ETS1: variants seen among roughly 807,000 people sequenced by gnomAD.
The protein encoded by ETS1 is ETS proto-oncogene 1, transcription factor, also known as protein C-ets-1.
Under a neutral mutation model 58.6 loss-of-function variants are expected in ETS1, and 15 were observed. The ratio of observed to expected loss-of-function variants is 0.26; its 90% CI spans 0.17 to 0.39. The LOEUF (loss-of-function observed/expected upper bound fraction) is 0.39, where lower values mean the gene tolerates loss of function less well. Among genes scored for constraint, ETS1 ranks in the 10% least tolerant of loss-of-function variants. The probability of loss-of-function intolerance (pLI) is 1.00; values close to 1 mark genes in which losing one functional copy is unlikely to be tolerated. For synonymous variants in ETS1, 214 were observed against 218.2 expected (o/e 0.98, Z 0.17); for missense variants, 417 against 610.5 (o/e 0.68, Z 3.34).
At chr11:128,506,388 G>T (rs1253711162) in intron 3 of ETS1, among the ~76,000 whole-genome samples, 1 of 152,218 alleles carries the variant, frequency 6.6e-6, no homozygotes, top group Admixed American at 6.5e-5. Flanking sequence ...CCCTCAGGCA[G>T]AGTTTCCCTC....
At chr11:128,552,722 C>T (rs1307914522) in intron 3 of ETS1, among the ~76,000 whole-genome samples, 1 of 151,918 alleles carries the variant, frequency 6.6e-6, no homozygotes, top group Non-Finnish European at 1.5e-5. Flanking sequence ...ATGGGATGGA[C>T]GAGGTCTTGT....
At chr11:128,501,064 T>C (rs914744467) in intron 3 of ETS1, among the ~76,000 whole-genome samples, 6 of 152,188 alleles carry the variant, frequency 3.9e-5, no homozygotes, top group Non-Finnish European at 8.8e-5. Flanking sequence ...CAAAGCAAAT[T>C]TGTCCTTATC....
intron 3 of ETS1, among the ~76,000 whole-genome samples, chr11:128,553,272 A>G (rs1441312212): frequency 2.0e-5 from 3 of 152,222 alleles, no homozygotes; most frequent in East Asian, 1.9e-4. Context: ...AATGATGACT[A>G]CAAGATTGTT....
chr11:128,523,743 G>T (rs928156415), intron 3 of ETS1, among the ~76,000 whole-genome samples: 1 of 152,196 alleles, frequency 6.6e-6, no homozygotes, highest in African/African-American at 2.4e-5. Flanking sequence ...ATATTTGTAT[G>T]TGATAGTCCT....
chr11:128,551,131 G>C (rs549139594), intron 3 of ETS1, among the ~76,000 whole-genome samples: 2 of 152,346 alleles, frequency 1.3e-5, no homozygotes, highest in East Asian at 3.9e-4. Flanking sequence ...GAGGAAAGAA[G>C]AGAGGGGTGC....
At position 128,557,125 on chromosome 11, in the gene ETS1, T is replaced by C. The variant is rs191870459; in HGVS notation, c.70-690A>G. On this transcript the variant is annotated intron_variant, in intron 2 of 9. Coordinates refer to ENST00000392668, the MANE Select transcript of ETS1 (RefSeq NM_001143820.2). ...AAACCCTAGGCTTTGAAGCCAGGTATACATAATTCAAATCCCAGCTCTATC... is the reference window on the plus strand; with the variant it reads ...AAACCCTAGGCTTTGAAGCCAGGTACACATAATTCAAATCCCAGCTCTATC... 1.5e-3 allele frequency among the ~76,000 whole-genome samples: 229 copies of C among 152,364 alleles called. 1 individual carries two copies. Among genetic ancestry groups the C allele is most frequent in the Middle Eastern group, 0.014 (4 of 294 alleles).
At chr11:128,583,274 G>GCAC (rs1305449647) in intron 1 of ETS1, among the ~76,000 whole-genome samples, 2 of 152,222 alleles carry the variant, frequency 1.3e-5, no homozygotes, top group African/African-American at 4.8e-5. Flanking sequence ...CTGAGCAGAT[G>GCAC]CTGGTAACCT....
chr11:128,478,716 C>T (rs900990588), intron 8 of ETS1, among the ~76,000 whole-genome samples: 1 of 152,200 alleles, frequency 6.6e-6, no homozygotes, highest in African/African-American at 2.4e-5. Context: ...CAGTCTAGTT[C>T]TTTAACCCCT....
intron 3 of ETS1, among the ~76,000 whole-genome samples, chr11:128,501,404 C>T (rs1863086221): frequency 6.6e-6 from 1 of 152,218 alleles, no homozygotes; most frequent in Non-Finnish European, 1.5e-5. Flanking sequence ...GAAAGTGATA[C>T]TGAACCAGTT....
chr11:128,462,667 T>C (rs992649300), intron 9 of ETS1, 91 bp from the exon 10 acceptor site: 5 of 908,206 alleles, frequency 5.5e-6, no homozygotes, highest in East Asian at 2.5e-5. Flanking sequence ...GCTATACCCA[T>C]TCATGGTGAC....
intron 2 of ETS1, among the ~76,000 whole-genome samples, chr11:128,566,558 C>T (rs575597882): frequency 5.3e-5 from 8 of 152,064 alleles, no homozygotes; most frequent in East Asian, 1.9e-4. Flanking sequence ...CTAAGGTGGG[C>T]AGATCACGAG....
intron 2 of ETS1, among the ~76,000 whole-genome samples, chr11:128,569,142 C>G (rs1385036142): frequency 6.6e-6 from 1 of 152,074 alleles, no homozygotes; most frequent in East Asian, 1.9e-4. Flanking sequence ...TGTTCAGTTA[C>G]ATCCCTGGCT....
intron 3 of ETS1, among the ~76,000 whole-genome samples, chr11:128,554,560 A>G (rs905546594): frequency 6.6e-6 from 1 of 152,182 alleles, no homozygotes; most frequent in African/African-American, 2.4e-5. Context: ...AGCATGAAAA[A>G]TCATCTCCAC....
chr11:128,548,243 T>C (rs1037500606), intron 3 of ETS1, among the ~76,000 whole-genome samples: 1 of 149,032 alleles, frequency 6.7e-6, no homozygotes, highest in Non-Finnish European at 1.5e-5. Context: ...GCAATTACAG[T>C]AATGTATGAA....
chr11:128,529,126 G>A (rs1261676781), intron 3 of ETS1: 1 of 152,122 alleles, frequency 6.6e-6, no homozygotes, highest in African/African-American at 2.4e-5. Flanking sequence ...TGTAAGATAA[G>A]GGAAATACAT....
intron 5 of ETS1, 31 bp from the exon 6 acceptor site, chr11:128,486,177 A>C: frequency 7.2e-7 from 1 of 1,380,792 alleles, no homozygotes; most frequent in Non-Finnish European, 1.0e-6. Context: ...AGGAACAAAG[A>C]GGTCAATATT....
At chr11:128,569,318 C>CTTTTGTTTTTTTTTTTTTTTT (rs1864575142) in intron 2 of ETS1, among the ~76,000 whole-genome samples, 1 of 39,462 alleles carries the variant, frequency 2.5e-5, no homozygotes, top group Admixed American at 3.5e-4. Context: ...AGAGTTTCTT[C>CTTTTGTTTTTTTTTTTTTTTT]TTTTTTTTTT....
chr11:128,487,297 A>G (rs963826052), intron 5 of ETS1, among the ~76,000 whole-genome samples: 4 of 152,208 alleles, frequency 2.6e-5, no homozygotes, highest in Admixed American at 1.3e-4. Flanking sequence ...TCTCAAACAT[A>G]CTGACTTATA....
At position 128,576,018 on chromosome 11, in the gene ETS1, A is replaced by G. The variant is rs73030761; in HGVS notation, c.-14-2874T>C. 7.9e-3 allele frequency among the ~76,000 whole-genome samples: 1,201 copies of G among 152,328 alleles called. 10 individuals are homozygous for G. The highest frequency in any genetic ancestry group is 0.013 in the Non-Finnish European group (870 of 68,038). ...ATATGTTTTCTCTTCTCATTGACAG[A>G]GTGAGAGAAGAAAGCTCTGGCCCAA... On this transcript the variant is annotated intron_variant, in intron 1 of 9. Coordinates refer to ENST00000392668, the MANE Select transcript of ETS1 (RefSeq NM_001143820.2).
Sources: gnomAD v4.1 joint callset for allele counts (sites outside exome capture counted in the v4.1 genomes callset) on GRCh38, gnomAD v4.1.1 for gene constraint, MANE v1.5 for transcripts, NCBI Gene and HGNC (gene_info 2026-07-23, HGNC 2026-07-21) for gene names.